The following MACF1 variants were observed in gnomAD, a reference collection of about 807,000 sequenced individuals.
MACF1 encodes the protein microtubule actin crosslinking factor 1, also known as microtubule-actin cross-linking factor 1.
MACF1 carries 193 observed loss-of-function variants against 854.8 expected under a neutral mutation model. The ratio of observed to expected loss-of-function variants is 0.23; its 90% CI spans 0.20 to 0.25. MACF1 has a LOEUF of 0.25. Ranked by LOEUF, MACF1 falls within the 10% of genes least tolerant of loss-of-function variation. The pLI is 1.00. For synonymous variants in MACF1, 3,185 were observed against 3,226.7 expected (o/e 0.99, Z 0.44); for missense variants, 7,722 against 8,929.1 (o/e 0.86, Z 5.45).
chr1:39,324,560 C>T, intron 34 of MACF1, 86 bp from the exon 35 acceptor site: 1 of 1,216,434 alleles, frequency 8.2e-7, no homozygotes. Context: ...CATATTTTCT[C>T]TAGGATTTAA....
In MACF1 at chr1:39,254,357, C is replaced by G; in HGVS notation, c.417C>G (p.Asp139Glu). ...TGCAGAATGTGCAGATTGCCCTGGA[C>G]TTCCTAAAGCAGCGACAGGTAAGAC... The part of the protein sequence containing the change: ...HRLQNVQIAL[D>E]FLKQRQVKLV... Residue 139 changes from aspartate to glutamate, a missense_variant, in exon 5 of 101, where the codon GAC becomes GAG. This residue lies in a region of MACF1 where 108 missense variants were observed against 196.4 expected (regional missense o/e 0.55). Coordinates refer to ENST00000564288, the MANE Select transcript of MACF1 (RefSeq NM_001394062.1). 1 of 1,614,174 alleles carries G rather than the reference C, an allele frequency of 6.2e-7. No homozygotes were observed. The highest frequency in any genetic ancestry group is 8.5e-7 in the Non-Finnish European group (1 of 1,180,014).
chr1:39,198,617 C>G (rs1042507005), intron 2 of MACF1, among the ~76,000 whole-genome samples: 1 of 147,948 alleles, frequency 6.8e-6, no homozygotes, highest in African/African-American at 2.5e-5. Flanking sequence ...CGCCATTGCA[C>G]TCCAGCCTAG....
intron 23 of MACF1, among the ~76,000 whole-genome samples, chr1:39,303,685 C>G (rs1157289502): frequency 1.4e-5 from 2 of 144,178 alleles, no homozygotes; most frequent in Non-Finnish European, 3.0e-5. Flanking sequence ...AACTCCATTT[C>G]TACTAAAAAT....
At chr1:39,318,673 A>T in intron 30 of MACF1, 58 bp downstream of exon 30, 1 of 1,475,154 alleles carries the variant, frequency 6.8e-7, no homozygotes, top group Non-Finnish European at 9.0e-7. Flanking sequence ...TCTTTATCAT[A>T]AAAGAAAATG....
chr1:39,484,844 T>A (rs1359650164), intron 100 of MACF1, 114 bp downstream of exon 100: 1 of 1,250,590 alleles, frequency 8.0e-7, no homozygotes, highest in Non-Finnish European at 1.2e-6. Context: ...CTTAGTGTGA[T>A]GCCCAGAAAG....
chr1:39,438,026 T>G lies in MACF1; in HGVS notation c.18220+18T>G. 1.2e-6 allele frequency: 2 copies of G among 1,602,284 alleles called. No homozygotes were observed. Among genetic ancestry groups the G allele is most frequent in the Non-Finnish European group, 1.7e-6 (2 of 1,171,440 alleles). On this transcript the variant is annotated intron_variant, in intron 71 of 100. Coordinates refer to ENST00000564288, the MANE Select transcript of MACF1 (RefSeq NM_001394062.1). ...TGCAAAAGGTGCTTGATGATTGTCA[T>G]TATTTTTAAAAATCAACAGAATAAA...
intron 2 of MACF1, among the ~76,000 whole-genome samples, chr1:39,181,953 C>A (rs1178736724): frequency 6.6e-6 from 1 of 152,070 alleles, no homozygotes; most frequent in African/African-American, 2.4e-5. Flanking sequence ...GAGTTCGAGA[C>A]CAGCCTGGCC....
Position 39,332,023 on chromosome 1 carries a change from G to C in MACF1, c.5435G>C (p.Gly1812Ala). ...AILIRQLQTG[G>A]IIDTVTGQRL... Reference sequence around the variant, plus strand: ...CTCATAAGGCAGCTTCAGACAGGAGGCATCATAGACACTGTCACGGGGCAA... The same window carrying C: ...CTCATAAGGCAGCTTCAGACAGGAGCCATCATAGACACTGTCACGGGGCAA... Residue 1812 changes from glycine (G) to alanine (A), a missense_variant, in exon 37 of 101, where the codon GGC becomes GCC. Coordinates refer to ENST00000564288, the MANE Select transcript of MACF1 (RefSeq NM_001394062.1). The C allele has an allele frequency of 6.2e-7, 1 of 1,613,996 alleles. No homozygotes were observed. The highest frequency in any genetic ancestry group is 8.5e-7 in the Non-Finnish European group (1 of 1,180,000).
chr1:39,336,087 G>T lies in MACF1; in HGVS notation c.9499G>T (p.Glu3167Ter). ...ETKHQISSSN[E>*]CKEKSYQEVS... Reference sequence around the variant, plus strand: ...CAAACATCAAATTTCCTCATCTAATGAATGTAAAGAAAAGTCATACCAAGA... The same window carrying T: ...CAAACATCAAATTTCCTCATCTAATTAATGTAAAGAAAAGTCATACCAAGA... The change falls in exon 37 of 101, where the codon GAA becomes TAA. Residue 3167 changes from glutamate to a stop codon, truncating the protein, a stop_gained. Coordinates refer to ENST00000564288, the MANE Select transcript of MACF1 (RefSeq NM_001394062.1). LOFTEE classifies it high-confidence loss of function. The T allele has an allele frequency of 1.2e-6, 2 of 1,613,836 alleles. No individual in the cohort carries two copies. The highest frequency in any genetic ancestry group is 1.7e-6 in the Non-Finnish European group (2 of 1,179,986).
At chr1:39,254,788 C>A (rs947289241) in intron 5 of MACF1, 1 of 187,400 alleles carries the variant, frequency 5.3e-6, no homozygotes, top group Non-Finnish European at 1.1e-5. Context: ...CACATCAGAT[C>A]TGAGAAAAAG....
intron 5 of MACF1, chr1:39,257,403 C>G (rs2265408): frequency 6.6e-6 from 1 of 151,908 alleles, no homozygotes; most frequent in African/African-American, 2.4e-5. Flanking sequence ...CCCAGGTTCA[C>G]GCCATTCTCC....
At position 39,336,540 on chromosome 1, in the gene MACF1, A is replaced by G. The variant is rs1212280381; in HGVS notation, c.9952A>G (p.Thr3318Ala). Residue 3318 changes from threonine to alanine, a missense_variant, in exon 37 of 101, where the codon ACA becomes GCA. By Grantham distance (58) the Thr-to-Ala change is moderately conservative. Around this residue, in one of 15 missense-constraint regions of MACF1, gnomAD observed 854 missense variants for 852.6 expected, o/e 1.00. Coordinates refer to ENST00000564288, the MANE Select transcript of MACF1 (RefSeq NM_001394062.1). Reference protein sequence around the residue: ...TVCSAVKTEKTPQEKLRESPG... With the variant: ...TVCSAVKTEKAPQEKLRESPG... ...ATGCTCTGCAGTGAAGACAGAGAAG[A>G]CACCACAGGAAAAGCTCAGAGAAAG... 3 of 1,614,182 alleles carry G rather than the reference A, an allele frequency of 1.9e-6. No individual in the cohort carries two copies. The highest frequency in any genetic ancestry group is 2.2e-5 in the East Asian group (1 of 44,880).
chr1:39,153,989 C>G (rs1461159240), intron 2 of MACF1, among the ~76,000 whole-genome samples: 2 of 152,142 alleles, frequency 1.3e-5, no homozygotes, highest in Non-Finnish European at 2.9e-5. Context: ...TTGCTGTTTC[C>G]TGGGTTAGCA....
chr1:39,477,135 T>TACACACACACACACACAC (rs1553458204), intron 97 of MACF1, among the ~76,000 whole-genome samples: 1 of 103,370 alleles, frequency 9.7e-6, no homozygotes, highest in African/African-American at 3.9e-5. Context: ...TATATATATA[T>TACACACACACACACACAC]ACACACACAC....
At chr1:39,324,564 G>A in intron 34 of MACF1, 82 bp from the exon 35 acceptor site, 2 of 1,240,756 alleles carry the variant, frequency 1.6e-6, no homozygotes, top group Non-Finnish European at 2.2e-6. Flanking sequence ...TTTTCTCTAG[G>A]ATTTAAAAAA....
chr1:39,338,979 GA>G (rs563217641), intron 38 of MACF1, among the ~76,000 whole-genome samples: 2 of 152,000 alleles, frequency 1.3e-5, no homozygotes, highest in South Asian at 4.1e-4. Flanking sequence ...GACTATTTAG[GA>G]AAAAAAACAT....
At chr1:39,386,050 G>A in intron 57 of MACF1, 121 bp downstream of exon 57, 1 of 1,134,720 alleles carries the variant, frequency 8.8e-7, no homozygotes, top group Non-Finnish European at 1.2e-6. Context: ...TCAGAATGGT[G>A]TTAAACCAAT....
intron 52 of MACF1, among the ~76,000 whole-genome samples, chr1:39,377,042 G>T (rs899581591): frequency 6.6e-6 from 1 of 151,718 alleles, no homozygotes; most frequent in Non-Finnish European, 1.5e-5. Flanking sequence ...ATGGAGTCTT[G>T]CTCTGTCGCC....
intron 3 of MACF1, 55 bp downstream of exon 3, chr1:39,250,158 G>T: frequency 8.2e-7 from 1 of 1,222,782 alleles, no homozygotes; most frequent in South Asian, 1.2e-5. Context: ...ATGACATATT[G>T]GTCCATCTCA....
Sources: allele counts gnomAD v4.1 joint callset (sites outside exome capture counted in the v4.1 genomes callset), GRCh38; gene constraint gnomAD v4.1.1; regional missense constraint gnomAD v4.1.1; transcripts MANE v1.5; gene names NCBI Gene and HGNC (gene_info 2026-07-23, HGNC 2026-07-21).